The following ZFP37 variants were observed in gnomAD, a reference collection of about 807,000 sequenced individuals.
The protein encoded by ZFP37 is ZFP37 zinc finger protein.
A neutral mutation model predicts 52.1 loss-of-function variants in ZFP37; 38 were observed. The observed-to-expected ratio is 0.73, with a 90% CI of 0.56 to 0.96. The LOEUF (loss-of-function observed/expected upper bound fraction) is 0.96. Ranked by LOEUF, ZFP37 falls within the 40% of genes least tolerant of loss-of-function variation. The pLI is 0.00. For missense variants in ZFP37, 695 were observed against 741.4 expected, an observed-to-expected ratio of 0.94 and a Z score of 0.73; for synonymous variants, 253 against 259.5, an observed-to-expected ratio of 0.98 and a Z score of 0.24.
rs1368739870 is a variant in ZFP37, at chr9:113,040,064, A to G, written c.*2661T>C. 6.6e-6 allele frequency: 1 copy of G among 152,258 alleles called. No homozygotes were observed. Among genetic ancestry groups the G allele is most frequent in the Non-Finnish European group, 1.5e-5 (1 of 68,038 alleles). The allele number at this position is 152,258 out of a possible 1,614,324, so 9.4% of individuals were successfully genotyped here. A position where few individuals can be genotyped will look rare whatever the true frequency, so the allele number is the denominator to read the frequency against. ...TTTTTATGCACACTAGAGTTTACGT[A>G]TCGATTCAGACTTACCACTGTGTGT... On this transcript the variant is annotated 3_prime_UTR_variant, in exon 4 of 4. Coordinates refer to ENST00000374227, the MANE Select transcript of ZFP37 (RefSeq NM_003408.3).
At chr9:113,054,401 C>T (rs1460267511) in intron 1 of ZFP37, among the ~76,000 whole-genome samples, 1 of 152,168 alleles carries the variant, frequency 6.6e-6, no homozygotes, top group Non-Finnish European at 1.5e-5. Context: ...CCCTATCTGT[C>T]TTCTCTTCCT....
Position 113,044,252 on chromosome 9 carries a change from A to G in ZFP37, c.366T>C (p.Asp122=), listed in dbSNP as rs1242091138. The part of the protein sequence containing the change: ...KETDGKVQKD[D]DQLENIQKSQ... ...ATTTCTGGATATTTTCAAGCTGGTC[A>G]TCATCTTTCTGGACTTCTAAAATGG... The change falls in exon 4 of 4, where the codon GAT becomes GAC. Residue 122 remains aspartate, a synonymous_variant. Transcript: ENST00000374227. 6.4e-7 allele frequency: 1 copy of G among 1,564,768 alleles called. No homozygotes were observed. Among genetic ancestry groups the G allele is most frequent in the Non-Finnish European group, 8.6e-7 (1 of 1,163,324 alleles).
At chr9:113,044,790 A>G (rs1828922899) in intron 3 of ZFP37, among the ~76,000 whole-genome samples, 1 of 152,154 alleles carries the variant, frequency 6.6e-6, no homozygotes, top group African/African-American at 2.4e-5. Flanking sequence ...TCCACTTGGT[A>G]CTTAAATTTA....
rs2118717135 is a variant in ZFP37, at chr9:113,052,695, G to A, written c.133-2823C>T. Among the ~76,000 whole-genome samples, 1 of 152,238 alleles carries A rather than the reference G, an allele frequency of 6.6e-6. No homozygotes were observed. Among genetic ancestry groups the A allele is most frequent in the East Asian group, 1.9e-4 (1 of 5,186 alleles). Reference sequence around the variant, plus strand: ...GGTTTCACTGGGGGCTGGTCAAGTAGGCACTCTCTGCCTGCATGTACAAAA... The same window carrying A: ...GGTTTCACTGGGGGCTGGTCAAGTAAGCACTCTCTGCCTGCATGTACAAAA... On this transcript the variant is annotated intron_variant, in intron 1 of 3. Coordinates refer to ENST00000374227, the MANE Select transcript of ZFP37 (RefSeq NM_003408.3). The surrounding 1 kb of genome is among the most constrained non-coding windows in gnomAD (Gnocchi z 4.1).
At position 113,043,828 on chromosome 9, in the gene ZFP37, T is replaced by TAA; in HGVS notation, c.789_790insTT (p.Lys264LeufsTer28). On this transcript the variant is annotated frameshift_variant, in exon 4 of 4. Coordinates refer to ENST00000374227, the MANE Select transcript of ZFP37 (RefSeq NM_003408.3). LOFTEE classifies it high-confidence loss of function. ...TCATGTTTCTCTCCAGTTTGAATTTTGTCCTGTTTAATATGGGATGAACTA... is the reference window on the plus strand; with the variant it reads ...TCATGTTTCTCTCCAGTTTGAATTTTAAGTCCTGTTTAATATGGGATGAACTA... 5 of 1,614,078 alleles carry TAA rather than the reference T, an allele frequency of 3.1e-6. No homozygotes were observed. Among genetic ancestry groups the TAA allele is most frequent in the Non-Finnish European group, 4.2e-6 (5 of 1,179,960 alleles).
At chr9:113,051,968 T>C (rs1356684081) in intron 1 of ZFP37, among the ~76,000 whole-genome samples, 2 of 152,096 alleles carry the variant, frequency 1.3e-5, no homozygotes, top group Admixed American at 1.3e-4. Context: ...CCCCAGCCAC[T>C]TGCCCCCACA....
At chr9:113,053,148 C>T (rs1475771984) in intron 1 of ZFP37, among the ~76,000 whole-genome samples, 9 of 152,106 alleles carry the variant, frequency 5.9e-5, no homozygotes, top group African/African-American at 1.2e-4. Context: ...TAAGACATTC[C>T]GCCCTCTGAC....
At chr9:113,049,560 A>G in intron 2 of ZFP37, 64 bp from the exon 3 acceptor site, 1 of 1,562,990 alleles carries the variant, frequency 6.4e-7, no homozygotes, top group East Asian at 2.3e-5. Context: ...AAGCCGCAGC[A>G]TTTGTACTTC....
chr9:113,055,948 A>G (rs151129268), intron 1 of ZFP37, among the ~76,000 whole-genome samples: 70 of 152,228 alleles, frequency 4.6e-4, no homozygotes, highest in Non-Finnish European at 8.4e-4. Flanking sequence ...CAGATGACAT[A>G]CAAATCATCT....
At chr9:113,051,129 T>C (rs1467534304) in intron 1 of ZFP37, among the ~76,000 whole-genome samples, 1 of 152,158 alleles carries the variant, frequency 6.6e-6, no homozygotes, top group African/African-American at 2.4e-5. Context: ...AGACTTAATA[T>C]GCAAGACAGA....
chr9:113,041,996 T>G lies in ZFP37; in HGVS notation c.*729A>C, dbSNP rs1027829525. On this transcript the variant is annotated 3_prime_UTR_variant, in exon 4 of 4. Coordinates refer to ENST00000374227, the MANE Select transcript of ZFP37 (RefSeq NM_003408.3). ...CAAAGTCTATTCACATACAGATACA[T>G]GTATATATGCATACAAAGATACATA... 15 of 152,224 alleles carry G rather than the reference T, an allele frequency of 9.9e-5. No individual in the cohort carries two copies. The highest frequency in any genetic ancestry group is 3.4e-4 in the African/African-American group (14 of 41,554). 9.4% of individuals were successfully genotyped at this position (152,224 alleles called of 1,614,324 possible).
chr9:113,046,881 G>A (rs547091439), intron 3 of ZFP37, among the ~76,000 whole-genome samples: 28 of 152,174 alleles, frequency 1.8e-4, no homozygotes, highest in Admixed American at 5.2e-4. Flanking sequence ...AGGCCGAAGC[G>A]GGTGGATCAC....
rs1340031915 is a variant in ZFP37, at chr9:113,049,504, T to C, written c.215-8A>G. On this transcript the variant is annotated splice_polypyrimidine_tract_variant and splice_region_variant and intron_variant, in intron 2 of 3. Coordinates refer to ENST00000374227, the MANE Select transcript of ZFP37 (RefSeq NM_003408.3). ...GTTTGGGAGCTTGACACCCTGCTCA[T>C]GAGAAATAGCAGAAACTGAGTGTTA... 6.2e-7 allele frequency: 1 copy of C among 1,610,240 alleles called. No homozygotes were observed. Among genetic ancestry groups the C allele is most frequent in the South Asian group, 1.1e-5 (1 of 90,606 alleles).
intron 3 of ZFP37, among the ~76,000 whole-genome samples, chr9:113,047,472 C>T (rs1201131067): frequency 3.3e-5 from 5 of 151,916 alleles, no homozygotes; most frequent in African/African-American, 1.2e-4. Flanking sequence ...TCAATTAAAG[C>T]TGGGCATGGT....
In ZFP37 at chr9:113,040,332, A is replaced by G. The variant is rs557687643; in HGVS notation, c.*2393T>C. Reference sequence around the variant, plus strand: ...TCCATCTAAAAAGTGCAGGCTTTCTACAGCTCTAGACAGTGATGACTCATT... The same window carrying G: ...TCCATCTAAAAAGTGCAGGCTTTCTGCAGCTCTAGACAGTGATGACTCATT... On this transcript the variant is annotated 3_prime_UTR_variant, in exon 4 of 4. Transcript: ENST00000374227. 3 of 152,360 alleles carry G rather than the reference A, an allele frequency of 2.0e-5. No individual in the cohort carries two copies. In the South Asian group the frequency reaches 6.2e-4, roughly 32 times the overall value. The allele number at this position is 152,360 out of a possible 1,614,324, so 9.4% of individuals were successfully genotyped here.
rs1356143024 is a variant in ZFP37, at chr9:113,056,676, T to G, written c.13A>C (p.Ser5Arg). The G allele has an allele frequency of 6.2e-7, 1 of 1,612,828 alleles. No homozygotes were observed. The highest frequency in any genetic ancestry group is 1.7e-5 in the Admixed American group (1 of 60,002). The change falls in exon 1 of 4, where the codon AGC becomes CGC. Residue 5 changes from serine to arginine, a missense_variant. Physicochemically the swap from Ser to Arg is moderately radical, Grantham distance 110. Transcript: ENST00000374227. The stretch of plus-strand genomic sequence containing the variant: ...GGCTTTGTCAGAATCTGGACGCCGC[T>G]GGAGACCGACATGGCGGCTACCCGG... The part of the protein sequence containing the change: MSVS[S>R]GVQILTKPET...
At chr9:113,054,863 A>G (rs1310258286) in intron 1 of ZFP37, among the ~76,000 whole-genome samples, 2 of 152,176 alleles carry the variant, frequency 1.3e-5, no homozygotes, top group Non-Finnish European at 2.9e-5. Flanking sequence ...AAAAGTTCCT[A>G]ACTGACCTCC....
chr9:113,053,299 T>C (rs1395886260), intron 1 of ZFP37, among the ~76,000 whole-genome samples: 1 of 152,238 alleles, frequency 6.6e-6, no homozygotes, highest in African/African-American at 2.4e-5. Context: ...TTCCTTGTTC[T>C]AGCACCATAC....
chr9:113,049,407 A>G lies in ZFP37; in HGVS notation c.304T>C (p.Cys102Arg), dbSNP rs1475160804. 1 of 1,614,044 alleles carries G rather than the reference A, an allele frequency of 6.2e-7. No individual in the cohort carries two copies. Among genetic ancestry groups the G allele is most frequent in the East Asian group, 2.2e-5 (1 of 44,894 alleles). Residue 102 changes from cysteine (C) to arginine (R), a missense_variant, in exon 3 of 4, where the codon TGT becomes CGT. This residue lies in a region of ZFP37 where 369 missense variants were observed against 340.9 expected (regional missense o/e 1.08). Transcript: ENST00000374227. ...LGKGKRPSQG[C>R]PSKIARPKQK... ...TTGGGTCTTGCTATTTTACTTGGAC[A>G]ACCTTGACTGGGTCTTTTCCCCTTC...
Sources: gnomAD v4.1 joint callset for allele counts (sites outside exome capture counted in the v4.1 genomes callset) on GRCh38, gnomAD v4.1.1 for gene constraint, gnomAD v4.1.1 regional missense constraint, Gnocchi (gnomAD v3.1) non-coding constraint, MANE v1.5 for transcripts, NCBI Gene and HGNC (gene_info 2026-07-23, HGNC 2026-07-21) for gene names.